Variants in DENND2B observed in about 807,000 individuals in gnomAD.
The protein encoded by DENND2B is DENN domain containing 2B, also known as DENN domain-containing protein 2B.
A neutral mutation model predicts 116.0 loss-of-function variants in DENND2B; 32 were observed. The observed-to-expected ratio is 0.28, with a 90% CI of 0.21 to 0.37. The LOEUF is 0.37. DENND2B is among the 10% of genes least tolerant of loss of function. The pLI is 1.00. For missense variants in DENND2B, 1,276 were observed against 1,477.7 expected, an observed-to-expected ratio of 0.86 and a Z score of 2.24; for synonymous variants, 588 against 583.9, an observed-to-expected ratio of 1.01 and a Z score of -0.10.
intron 4 of DENND2B, among the ~76,000 whole-genome samples, chr11:8,831,056 C>G (rs2062185256): frequency 6.6e-6 from 1 of 152,142 alleles, no homozygotes; most frequent in African/African-American, 2.4e-5. Context: ...GGCTCTATAC[C>G]CTGCCAGGGC....
Position 8,731,113 on chromosome 11 carries a change from G to A in DENND2B, c.177C>T (p.Ser59=). The change falls in exon 3 of 20, where the codon AGC becomes AGT. Residue 59 remains serine (S), a synonymous_variant. Coordinates refer to ENST00000313726, the MANE Select transcript of DENND2B (RefSeq NM_213618.2). ...TGAGGAGCACCCGGGAGCTGGAGTG[G>A]CTGGGGTACCTGCAGGCTGAGGTTT... is the stretch of plus-strand genomic sequence containing the variant. ...DSETSACRYP[S]HSSSRVLLKD... 1.2e-6 allele frequency: 2 copies of A among 1,602,840 alleles called. No individual in the cohort carries two copies. Among genetic ancestry groups the A allele is most frequent in the Non-Finnish European group, 1.7e-6 (2 of 1,173,552 alleles).
intron 1 of DENND2B, among the ~76,000 whole-genome samples, chr11:8,769,445 A>G (rs1042188575): frequency 6.6e-6 from 1 of 151,918 alleles, no homozygotes; most frequent in African/African-American, 2.4e-5. Context: ...TTTTTAGTAG[A>G]GACGGAGTTT....
intron 11 of DENND2B, among the ~76,000 whole-genome samples, chr11:8,709,262 C>T (rs1379454423): frequency 1.3e-5 from 2 of 152,160 alleles, no homozygotes; most frequent in East Asian, 1.9e-4. Context: ...CCCTCTCCCC[C>T]GCCTCCCCTA....
At chr11:8,836,340 G>C (rs2062424244) in intron 4 of DENND2B, among the ~76,000 whole-genome samples, 2 of 151,510 alleles carry the variant, frequency 1.3e-5, no homozygotes, top group Non-Finnish European at 2.9e-5. Flanking sequence ...TCCCAGGGTT[G>C]GGCACAGCAA....
At chr11:8,773,772 T>G (rs1165063335) in intron 1 of DENND2B, among the ~76,000 whole-genome samples, 1 of 151,938 alleles carries the variant, frequency 6.6e-6, no homozygotes, top group East Asian at 1.9e-4. Context: ...CCCAATGAAT[T>G]CTCATAAAAT....
At chr11:8,896,646 C>A (rs546001730) in intron 1 of DENND2B, among the ~76,000 whole-genome samples, 52 of 152,222 alleles carry the variant, frequency 3.4e-4, no homozygotes, top group Non-Finnish European at 4.4e-4. Flanking sequence ...ATGTTGAATA[C>A]CCACACAACC....
intron 4 of DENND2B, among the ~76,000 whole-genome samples, chr11:8,821,966 A>G (rs1434081859): frequency 1.3e-5 from 2 of 151,964 alleles, no homozygotes; most frequent in East Asian, 3.9e-4. Context: ...TAATTTTTTT[A>G]TTTTTTGTAG....
chr11:8,724,097 C>T (rs969693959), intron 4 of DENND2B, among the ~76,000 whole-genome samples: 26 of 152,290 alleles, frequency 1.7e-4, no homozygotes, highest in Admixed American at 3.9e-4. Flanking sequence ...AGATCGAGAC[C>T]ATCCTGGCTA....
chr11:8,864,516 C>A (rs2063512838), intron 2 of DENND2B, among the ~76,000 whole-genome samples: 1 of 152,182 alleles, frequency 6.6e-6, no homozygotes, highest in Non-Finnish European at 1.5e-5. Flanking sequence ...GCAATCCTCC[C>A]AATTTGGCCT....
At chr11:8,757,582 A>G (rs2053836350) in intron 1 of DENND2B, among the ~76,000 whole-genome samples, 1 of 152,256 alleles carries the variant, frequency 6.6e-6, no homozygotes, top group South Asian at 2.1e-4. Flanking sequence ...AGCATTTATT[A>G]TGAGACACGC....
Position 8,791,961 on chromosome 11 carries a change from T to C in DENND2B, c.-26+18556A>G, listed in dbSNP as rs142783081. 1.7e-3 allele frequency among the ~76,000 whole-genome samples: 255 copies of C among 146,918 alleles called. 1 individual carries two copies. The highest frequency in any genetic ancestry group is 5.8e-3 in the African/African-American group (234 of 40,142). ...GGCTCATGCCTGTAATCCCAGCACT[T>C]TGGGAGGCCAAGGCGCGTGGATCAC... On this transcript the variant is annotated intron_variant, in intron 1 of 19. Coordinates refer to ENST00000313726, the MANE Select transcript of DENND2B (RefSeq NM_213618.2).
intron 11 of DENND2B, among the ~76,000 whole-genome samples, chr11:8,709,022 C>G (rs1055802755): frequency 6.6e-6 from 1 of 151,972 alleles, no homozygotes; most frequent in Non-Finnish European, 1.5e-5. Flanking sequence ...CCGGAGCCCC[C>G]ATGCAGGCTG....
chr11:8,879,877 A>G (rs1026914304), intron 2 of DENND2B, among the ~76,000 whole-genome samples: 37 of 152,248 alleles, frequency 2.4e-4, no homozygotes, highest in African/African-American at 8.9e-4. Context: ...GTGAATTCAA[A>G]TAAGCATTCT....
chr11:8,710,856 T>G lies in DENND2B; in HGVS notation c.2341A>C (p.Arg781=). 1 of 1,613,340 alleles carries G rather than the reference T, an allele frequency of 6.2e-7. No individual in the cohort carries two copies. Among genetic ancestry groups the G allele is most frequent in the Non-Finnish European group, 8.5e-7 (1 of 1,179,880 alleles). The change falls in exon 11 of 20, where the codon AGG becomes CGG. Residue 781 remains arginine (R), a synonymous_variant. Coordinates refer to ENST00000313726, the MANE Select transcript of DENND2B (RefSeq NM_213618.2). The part of the protein sequence containing the change: ...EDGSRRFGYC[R]RLLPSGKGPR... Reference sequence around the variant, plus strand: ...ATGGCCTCACTCACCAGTAAGCGCCTGCAGTAGCCAAAGCGTCTGCTGCCA... The same window carrying G: ...ATGGCCTCACTCACCAGTAAGCGCCGGCAGTAGCCAAAGCGTCTGCTGCCA...
chr11:8,853,522 A>AT (rs1339215782), intron 3 of DENND2B, among the ~76,000 whole-genome samples: 1 of 152,172 alleles, frequency 6.6e-6, no homozygotes, highest in Non-Finnish European at 1.5e-5. Context: ...TGAGCAATAC[A>AT]TTTTTGTTGT....
chr11:8,797,639 G>A (rs569941346), intron 1 of DENND2B, among the ~76,000 whole-genome samples: 1 of 151,772 alleles, frequency 6.6e-6, no homozygotes, highest in South Asian at 2.1e-4. Flanking sequence ...GCCCAGGCTG[G>A]AGTGCCATGA....
intron 2 of DENND2B, among the ~76,000 whole-genome samples, chr11:8,869,561 C>G (rs1256700838): frequency 6.6e-6 from 1 of 151,786 alleles, no homozygotes; most frequent in Admixed American, 6.6e-5. Flanking sequence ...ACTCGGGAGG[C>G]TGAGGCAGGA....
intron 13 of DENND2B, among the ~76,000 whole-genome samples, chr11:8,705,623 T>C (rs1413447909): frequency 2.6e-5 from 4 of 152,114 alleles, no homozygotes; most frequent in Non-Finnish European, 5.9e-5. Flanking sequence ...CATGTACACA[T>C]TTGGACTCTT....
intron 8 of DENND2B, 32 bp downstream of exon 8, chr11:8,713,966 G>A (rs564380531): frequency 8.7e-6 from 14 of 1,612,558 alleles, no homozygotes; most frequent in African/African-American, 1.3e-5. Flanking sequence ...CCTGCTGGGA[G>A]AGCTTCCGTA....
Sources: allele counts gnomAD v4.1 joint callset (sites outside exome capture counted in the v4.1 genomes callset), GRCh38; gene constraint gnomAD v4.1.1; transcripts MANE v1.5; gene names NCBI Gene and HGNC (gene_info 2026-07-23, HGNC 2026-07-21).